WDR49: variants seen among roughly 807,000 people sequenced by gnomAD.
WDR49 encodes the protein WD repeat domain 49.
In WDR49, 107 loss-of-function variants were observed where a neutral mutation model predicts 119.5. The ratio of observed to expected loss-of-function variants is 0.90; its 90% CI spans 0.77 to 1.05. The LOEUF (loss-of-function observed/expected upper bound fraction) is 1.05, where lower values mean the gene tolerates loss of function less well. Ranked by LOEUF, WDR49 falls within the 50% of genes least tolerant of loss-of-function variation. The pLI, the probability that WDR49 is intolerant of heterozygous loss-of-function variation, is 0.00. For synonymous variants in WDR49, 425 were observed against 418.8 expected (o/e 1.01, Z -0.18); for missense variants, 1,240 against 1,220.5 (o/e 1.02, Z -0.24).
intron 9 of WDR49, among the ~76,000 whole-genome samples, chr3:167,556,403 G>A (rs146643718): frequency 9.2e-5 from 14 of 152,206 alleles, no homozygotes; most frequent in Non-Finnish European, 1.6e-4. Context: ...GTTGATGGTG[G>A]GTGCCAGACC....
Position 167,481,460 on chromosome 3 carries a change from A to G in WDR49, c.3032-2464T>C, listed in dbSNP as rs188357509. On this transcript the variant is annotated intron_variant, in intron 18 of 18. Transcript: ENST00000682715. Reference sequence around the variant, plus strand: ...TGGAACATAGTAGGAAACCTAGAATATAGAAATGAGAAAAAATATATAATA... The same window carrying G: ...TGGAACATAGTAGGAAACCTAGAATGTAGAAATGAGAAAAAATATATAATA... 5.6e-4 allele frequency among the ~76,000 whole-genome samples: 85 copies of G among 152,226 alleles called. 1 individual carries two copies. The highest frequency in any genetic ancestry group is 4.5e-3 in the Admixed American group (69 of 15,284).
chr3:167,618,759 A>C (rs1716720988), intron 5 of WDR49, among the ~76,000 whole-genome samples: 1 of 152,168 alleles, frequency 6.6e-6, no homozygotes, highest in Non-Finnish European at 1.5e-5. Context: ...ACTAAACTAA[A>C]TTCCCATGTT....
intron 16 of WDR49, among the ~76,000 whole-genome samples, chr3:167,506,839 G>A (rs922036869): frequency 6.6e-6 from 1 of 152,112 alleles, no homozygotes; most frequent in African/African-American, 2.4e-5. Flanking sequence ...GATCTTGATA[G>A]TTTTAAGAAA....
chr3:167,562,228 A>C (rs1309036878), intron 8 of WDR49, among the ~76,000 whole-genome samples: 2 of 152,168 alleles, frequency 1.3e-5, no homozygotes, highest in African/African-American at 4.8e-5. Context: ...GTTGGCTTGT[A>C]AAGATACTTC....
intron 7 of WDR49, among the ~76,000 whole-genome samples, chr3:167,577,458 T>C (rs945979046): frequency 3.9e-5 from 6 of 152,122 alleles, no homozygotes; most frequent in Non-Finnish European, 8.8e-5. Context: ...CTCTGTAACC[T>C]AGGGTCAGAT....
chr3:167,623,287 G>T (rs1420788748), intron 3 of WDR49, among the ~76,000 whole-genome samples: 1 of 151,938 alleles, frequency 6.6e-6, no homozygotes, highest in Non-Finnish European at 1.5e-5. Context: ...AATGTATACT[G>T]AACTAAATAC....
intron 10 of WDR49, among the ~76,000 whole-genome samples, chr3:167,545,830 C>G (rs976289597): frequency 6.7e-6 from 1 of 149,984 alleles, no homozygotes; most frequent in African/African-American, 2.4e-5. Context: ...TCCTTGCAAC[C>G]AAACACCACC....
intron 8 of WDR49, among the ~76,000 whole-genome samples, chr3:167,569,989 T>C (rs1257709134): frequency 6.6e-6 from 1 of 152,164 alleles, no homozygotes; most frequent in African/African-American, 2.4e-5. Flanking sequence ...CATGTATGTG[T>C]GCATGTACAT....
chr3:167,595,728 T>C (rs1387243757), intron 7 of WDR49, among the ~76,000 whole-genome samples: 1 of 152,020 alleles, frequency 6.6e-6, no homozygotes, highest in African/African-American at 2.4e-5. Flanking sequence ...TCAAGATGGA[T>C]TAAAGACTTA....
At chr3:167,538,628 C>T (rs1711611196) in intron 10 of WDR49, among the ~76,000 whole-genome samples, 2 of 151,716 alleles carry the variant, frequency 1.3e-5, no homozygotes, top group African/African-American at 4.8e-5. Flanking sequence ...TTCTTATTTG[C>T]CATGTGGAAG....
At chr3:167,556,300 C>T (rs1712924670) in intron 9 of WDR49, among the ~76,000 whole-genome samples, 1 of 152,160 alleles carries the variant, frequency 6.6e-6, no homozygotes, top group Admixed American at 6.5e-5. Flanking sequence ...GAACTTTACT[C>T]CTCAGGGATG....
At position 167,479,404 on chromosome 3, in the gene WDR49, C is replaced by T. The variant is rs1006162662; in HGVS notation, c.3032-408G>A. ...TTGACTGTCTGCATGAATAAACAAG[C>T]GCATCTATAATCACGTCCATAGGGG... On this transcript the variant is annotated intron_variant, in intron 18 of 18. Transcript: ENST00000682715. Among the ~76,000 whole-genome samples, 9 of 151,894 alleles carry T rather than the reference C, an allele frequency of 5.9e-5. No individual in the cohort carries two copies. In the East Asian group the frequency reaches 7.7e-4, roughly 13 times the overall value.
intron 10 of WDR49, among the ~76,000 whole-genome samples, chr3:167,541,633 A>T (rs749981839): frequency 2.0e-5 from 3 of 152,126 alleles, no homozygotes; most frequent in Admixed American, 6.6e-5. Context: ...AACACAGTGG[A>T]AAAACAACAA....
chr3:167,585,714 C>T (rs1279732592), intron 7 of WDR49, among the ~76,000 whole-genome samples: 1 of 151,430 alleles, frequency 6.6e-6, no homozygotes, highest in Non-Finnish European at 1.5e-5. Flanking sequence ...TATATAATAA[C>T]ATTAAATAAA....
At chr3:167,613,118 TATTTCACATTTTATGCTGATA>T (rs1300981010) in intron 5 of WDR49, among the ~76,000 whole-genome samples, 6 of 152,178 alleles carry the variant, frequency 3.9e-5, no homozygotes, top group African/African-American at 1.4e-4. Context: ...AGGTTGTACT[TATTTCACATTTTATGCTGATA>T]TCAAAACATC....
At chr3:167,655,921 C>A (rs1169532254), upstream of WDR49, among the ~76,000 whole-genome samples, 1 of 151,998 alleles carries the variant, frequency 6.6e-6, no homozygotes, top group Non-Finnish European at 1.5e-5. Context: ...ATCTCTCTCT[C>A]TCTCTATATA....
chr3:167,488,272 C>T (rs1457469884), intron 18 of WDR49, among the ~76,000 whole-genome samples: 1 of 151,172 alleles, frequency 6.6e-6, no homozygotes, highest in Non-Finnish European at 1.5e-5. Context: ...GGATAAAATC[C>T]TAAGCAAATT....
At chr3:167,519,723 C>G (rs1184014754) in intron 16 of WDR49, among the ~76,000 whole-genome samples, 1 of 152,008 alleles carries the variant, frequency 6.6e-6, no homozygotes, top group Non-Finnish European at 1.5e-5. Context: ...ATAGGTGCAG[C>G]AAACCTCCAT....
chr3:167,545,089 T>A (rs931670378), intron 10 of WDR49, among the ~76,000 whole-genome samples: 1 of 151,742 alleles, frequency 6.6e-6, no homozygotes, highest in Non-Finnish European at 1.5e-5. Context: ...AACAAACATA[T>A]GAAAAAATGC....
Sources: gnomAD v4.1 joint callset for allele counts (sites outside exome capture counted in the v4.1 genomes callset) on GRCh38, gnomAD v4.1.1 for gene constraint, MANE v1.5 for transcripts, NCBI Gene and HGNC (gene_info 2026-07-23, HGNC 2026-07-21) for gene names.